The following BANP variants were observed in gnomAD, a reference collection of about 807,000 sequenced individuals.
BANP encodes the protein BTG3 associated nuclear protein, also known as protein BANP.
A neutral mutation model predicts 68.1 loss-of-function variants in BANP; 11 were observed. The observed-to-expected ratio is 0.16, with a 90% CI of 0.10 to 0.27. BANP has a LOEUF of 0.27. Among genes scored for constraint, BANP ranks in the 10% least tolerant of loss-of-function variants. BANP has a pLI of 1.00. For missense variants in BANP, 504 were observed against 722.7 expected (o/e 0.70, Z 3.47); for synonymous variants, 329 against 303.2 (o/e 1.09, Z -0.88).
At chr16:87,967,520 A>G (rs1395838587) in intron 1 of BANP, among the ~76,000 whole-genome samples, 1 of 151,882 alleles carries the variant, frequency 6.6e-6, no homozygotes, top group East Asian at 1.9e-4. Context: ...TAGTGGCACT[A>G]TCTCAGCTCA....
chr16:88,076,631 G>C lies in BANP; in HGVS notation c.1563G>C (p.Gln521His). ...AGCCCACGCTACAGCCGGAGATGCA[G>C]CTCGAGCACGGGGCCATCCAGATTC... The part of the protein sequence containing the change: ...ALQPTLQPEM[Q>H]LEHGAIQIQ The change falls in exon 14 of 14, where the codon CAG becomes CAC. Residue 521 changes from glutamine to histidine, a missense_variant. Gln to His is a conservative substitution (Grantham distance 24). Transcript: ENST00000682872. 6.2e-7 allele frequency: 1 copy of C among 1,611,012 alleles called. No homozygotes were observed.
At chr16:87,955,781 T>G (rs1018413241) in intron 1 of BANP, among the ~76,000 whole-genome samples, 1 of 152,314 alleles carries the variant, frequency 6.6e-6, no homozygotes. Flanking sequence ...TCATAAGACG[T>G]TGACACCAAG....
rs1328907524 is a variant in BANP at position 88,045,946 on chromosome 16, C to T, written c.1311+7935C>T. On this transcript the variant is annotated intron_variant, in intron 11 of 13. Transcript: ENST00000682872. ...ACCTGCTCAGGAAGTTGGTGGGCTT[C>T]GCTGGGCGCACACGGCCCACCTGGC... is the stretch of plus-strand genomic sequence containing the variant. Among the ~76,000 whole-genome samples the T allele has an allele frequency of 7.2e-5, 11 of 152,330 alleles. 1 individual carries two copies. Among genetic ancestry groups the T allele is most frequent in the Middle Eastern group, 3.4e-3 (1 of 294 alleles).
rs1477995881 is a variant in BANP at position 87,962,330 on chromosome 16, T to TAAG, written c.-69+10817_-69+10819dup. Among the ~76,000 whole-genome samples the TAAG allele has an allele frequency of 4.0e-5, 6 of 149,474 alleles. No homozygotes were observed. The Admixed American group carries it at 4.1e-4, about 10-fold the overall frequency. ...TCAGTTATAGCAACAGAAAACGGAG[T>TAAG]AAGACAGCGTTAATATGTAATGTGT... On this transcript the variant is annotated intron_variant, in intron 1 of 13. Transcript: ENST00000682872.
chr16:88,060,174 C>T (rs539758574), intron 11 of BANP, among the ~76,000 whole-genome samples: 4 of 152,346 alleles, frequency 2.6e-5, no homozygotes, highest in East Asian at 3.9e-4. Context: ...AACCACCTGT[C>T]GGCACGAGTG....
chr16:88,067,610 C>CT (rs923228203), intron 12 of BANP, among the ~76,000 whole-genome samples: 2 of 152,054 alleles, frequency 1.3e-5, no homozygotes, highest in African/African-American at 4.8e-5. Context: ...ATTTCCAAAT[C>CT]TAAGGGGGTC....
At chr16:87,994,084 G>C (rs751890087) in intron 4 of BANP, among the ~76,000 whole-genome samples, 11 of 152,186 alleles carry the variant, frequency 7.2e-5, no homozygotes, top group Non-Finnish European at 1.2e-4. Context: ...CCTGGTGTTG[G>C]AGACCAGGAT....
chr16:88,052,815 C>T (rs960276600), intron 11 of BANP, among the ~76,000 whole-genome samples: 8 of 151,844 alleles, frequency 5.3e-5, no homozygotes, highest in Admixed American at 1.3e-4. Context: ...CTACCACTAC[C>T]GCCTTCACCA....
At chr16:87,981,531 C>T (rs1386690899) in intron 3 of BANP, among the ~76,000 whole-genome samples, 3 of 152,264 alleles carry the variant, frequency 2.0e-5, no homozygotes, top group East Asian at 1.9e-4. Context: ...TTCTAAATTA[C>T]ATCTGCACAG....
At chr16:87,969,663 G>C (rs959803698) in intron 1 of BANP, among the ~76,000 whole-genome samples, 4 of 151,730 alleles carry the variant, frequency 2.6e-5, no homozygotes, top group Admixed American at 6.6e-5. Context: ...CTCCTCAGTA[G>C]CTGGGATTAC....
chr16:87,995,457 T>G (rs1480482705), intron 4 of BANP, among the ~76,000 whole-genome samples: 1 of 152,214 alleles, frequency 6.6e-6, no homozygotes, highest in Non-Finnish European at 1.5e-5. Flanking sequence ...ATCTGTCCAT[T>G]TTTTCCTAAT....
At chr16:88,076,390 C>CA (rs1311525933) in intron 13 of BANP, among the ~76,000 whole-genome samples, 200 bp from the exon 14 acceptor site, 1 of 149,708 alleles carries the variant, frequency 6.7e-6, no homozygotes, top group East Asian at 2.0e-4. Context: ...CCCTGGGCGC[C>CA]AGGGTCGTGG....
In BANP at chr16:87,972,663, T is replaced by G. The variant is rs150859235; in HGVS notation, c.-68-2385T>G. ...TTTCAGTGTTTTGGGTTCTTTCCTG[T>G]GTTGTTTATAGGAAGTTTTAAAAAT... On this transcript the variant is annotated intron_variant, in intron 1 of 13. Coordinates refer to ENST00000682872, the MANE Select transcript of BANP (RefSeq NM_001386991.1). Among the ~76,000 whole-genome samples the G allele has an allele frequency of 1.9e-3, 284 of 152,270 alleles. 1 individual carries two copies. The highest frequency in any genetic ancestry group is 6.6e-3 in the African/African-American group (276 of 41,554).
intron 7 of BANP, 106 bp from the exon 8 acceptor site, chr16:88,027,377 G>A: frequency 7.8e-7 from 1 of 1,280,720 alleles, no homozygotes; most frequent in Non-Finnish European, 1.1e-6. Flanking sequence ...GCGGGCTGGG[G>A]TGCCTGGGTG....
intron 11 of BANP, among the ~76,000 whole-genome samples, chr16:88,038,843 C>T (rs890941337): frequency 1.3e-5 from 2 of 152,128 alleles, no homozygotes; most frequent in Non-Finnish European, 2.9e-5. Context: ...GGTGATCTTC[C>T]CATTTCATAA....
At chr16:87,959,238 G>C (rs2058662617) in intron 1 of BANP, among the ~76,000 whole-genome samples, 1 of 152,240 alleles carries the variant, frequency 6.6e-6, no homozygotes, top group Admixed American at 6.5e-5. Flanking sequence ...TGTGGACGCT[G>C]ACATTTGAGT....
intron 9 of BANP, 110 bp from the exon 10 acceptor site, chr16:88,035,213 C>T (rs963906507): frequency 1.9e-6 from 2 of 1,053,716 alleles, no homozygotes; most frequent in Admixed American, 4.2e-5. Context: ...ATTTAGTTAT[C>T]TTTTTGAATT....
At chr16:87,976,474 G>GTTTTTTTTTTTTTTTTTTTTTTTTTTT (rs59786663) in intron 2 of BANP, among the ~76,000 whole-genome samples, 1 of 95,972 alleles carries the variant, frequency 1.0e-5, no homozygotes, top group Non-Finnish European at 2.0e-5. Context: ...GTTTTAAAAA[G>GTTTTTTTTTTTTTTTTTTTTTTTTTTT]TTTTTTTTTT....
rs1447772547 is a variant in BANP, at chr16:87,979,680, C to T, written c.71-1356C>T. Among the ~76,000 whole-genome samples, 17 of 152,236 alleles carry T rather than the reference C, an allele frequency of 1.1e-4. No homozygotes were observed. The East Asian group carries it at 1.9e-3, about 17-fold the overall frequency. ...TGCATGTGCTGAAGGGCATTCCCAG[C>T]GGCCAGCATTCAGATTTCTGATTTT... On this transcript the variant is annotated intron_variant, in intron 2 of 13. Coordinates refer to ENST00000682872, the MANE Select transcript of BANP (RefSeq NM_001386991.1).
Sources: allele counts gnomAD v4.1 joint callset (sites outside exome capture counted in the v4.1 genomes callset), GRCh38; gene constraint gnomAD v4.1.1; transcripts MANE v1.5; gene names NCBI Gene and HGNC (gene_info 2026-07-23, HGNC 2026-07-21).